Variants in CNTN5 observed in about 807,000 individuals in gnomAD.
CNTN5 encodes contactin-5.
CNTN5 carries 77 observed loss-of-function variants against 129.1 expected under a neutral mutation model. That is an observed-to-expected ratio of 0.60 (90% confidence interval 0.50 to 0.72). The LOEUF is 0.72. Among genes scored for constraint, CNTN5 ranks in the 30% least tolerant of loss-of-function variants. CNTN5 has a pLI of 0.00. For missense variants in CNTN5, 1,478 were observed against 1,328.8 expected, an observed-to-expected ratio of 1.11 and a Z score of -1.75; for synonymous variants, 509 against 465.6, an observed-to-expected ratio of 1.09 and a Z score of -1.20.
chr11:99,467,189 C>G (rs367807067), intron 2 of CNTN5, among the ~76,000 whole-genome samples: 1 of 151,996 alleles, frequency 6.6e-6, no homozygotes, highest in Non-Finnish European at 1.5e-5. Flanking sequence ...TGATATAAAA[C>G]AAAACTTTAA....
intron 2 of CNTN5, among the ~76,000 whole-genome samples, chr11:99,368,950 GT>G (rs1939641255): frequency 6.6e-6 from 1 of 151,874 alleles, no homozygotes; most frequent in Admixed American, 6.6e-5. Flanking sequence ...AAGGGAATGT[GT>G]TCAGCATGTT....
intron 2 of CNTN5, among the ~76,000 whole-genome samples, chr11:99,532,040 G>A (rs374831051): frequency 2.0e-5 from 3 of 152,112 alleles, no homozygotes; most frequent in Admixed American, 1.3e-4. Context: ...CAGATCCACC[G>A]ACAGCTTGCC....
intron 1 of CNTN5, among the ~76,000 whole-genome samples, chr11:99,270,532 A>C (rs1041118344): frequency 1.3e-5 from 2 of 151,902 alleles, no homozygotes; most frequent in African/African-American, 4.8e-5. Context: ...CTTTGAATAT[A>C]TTATGAATGA....
rs549115457 is a variant in CNTN5, at chr11:99,206,604, A to C, written c.-209-118742A>C. Reference sequence around the variant, plus strand: ...TGTGACTTTTTCCGGGTTTTGACAAAAGTTCTTACCCACTTACTACTACCT... The same window carrying C: ...TGTGACTTTTTCCGGGTTTTGACAACAGTTCTTACCCACTTACTACTACCT... On this transcript the variant is annotated intron_variant, in intron 1 of 24. Transcript: ENST00000524871. Among the ~76,000 whole-genome samples the C allele has an allele frequency of 2.5e-4, 38 of 149,308 alleles. 1 individual carries two copies. The highest frequency in any genetic ancestry group is 2.3e-3 in the Admixed American group (34 of 15,028).
chr11:99,661,843 C>G (rs1386955471), intron 3 of CNTN5, among the ~76,000 whole-genome samples: 2 of 152,046 alleles, frequency 1.3e-5, no homozygotes, highest in East Asian at 1.9e-4. Flanking sequence ...TACAGGTACT[C>G]CACGATACAA....
chr11:99,602,227 G>A (rs1274708231), intron 3 of CNTN5, among the ~76,000 whole-genome samples: 1 of 151,406 alleles, frequency 6.6e-6, no homozygotes, highest in Non-Finnish European at 1.5e-5. Context: ...TATTTGTGGG[G>A]GATATAATTT....
chr11:100,199,681 T>G (rs1237604635), intron 15 of CNTN5, among the ~76,000 whole-genome samples: 1 of 151,876 alleles, frequency 6.6e-6, no homozygotes, highest in African/African-American at 2.4e-5. Context: ...GTAGAAATCA[T>G]TCCGAAAGCA....
intron 2 of CNTN5, among the ~76,000 whole-genome samples, chr11:99,413,646 C>T (rs998408871): frequency 1.3e-5 from 2 of 151,632 alleles, no homozygotes; most frequent in Non-Finnish European, 2.9e-5. Flanking sequence ...AAAACAAAAA[C>T]AAAAAAACAA....
intron 13 of CNTN5, among the ~76,000 whole-genome samples, chr11:100,177,459 C>A (rs905668627): frequency 6.6e-6 from 1 of 152,116 alleles, no homozygotes; most frequent in Non-Finnish European, 1.5e-5. Context: ...CAGAAGCCAT[C>A]TACAGTACCT....
chr11:99,176,691 C>T (rs1430984120), intron 1 of CNTN5, among the ~76,000 whole-genome samples: 2 of 152,168 alleles, frequency 1.3e-5, no homozygotes, highest in South Asian at 2.1e-4. Context: ...AGATTCTAAT[C>T]ATTTCCCACC....
At chr11:99,963,341 T>G (rs1005470767) in intron 8 of CNTN5, among the ~76,000 whole-genome samples, 1 of 152,160 alleles carries the variant, frequency 6.6e-6, no homozygotes, top group Non-Finnish European at 1.5e-5. Flanking sequence ...TTGTATAAGG[T>G]GTAAGGAGGG....
At chr11:99,966,665 A>C (rs1410747206) in intron 8 of CNTN5, among the ~76,000 whole-genome samples, 1 of 152,224 alleles carries the variant, frequency 6.6e-6, no homozygotes, top group Non-Finnish European at 1.5e-5. Context: ...CATCTGGTCA[A>C]GATATGTTGA....
intron 6 of CNTN5, among the ~76,000 whole-genome samples, chr11:99,870,307 T>C (rs1016630102): frequency 6.6e-6 from 1 of 151,982 alleles, no homozygotes; most frequent in African/African-American, 2.4e-5. Context: ...AAAACAATGG[T>C]TTCCAAACAG....
intron 1 of CNTN5, among the ~76,000 whole-genome samples, chr11:99,216,115 C>T (rs1860101437): frequency 6.6e-6 from 1 of 152,114 alleles, no homozygotes; most frequent in South Asian, 2.1e-4. Flanking sequence ...AGATATTCTT[C>T]ATTCTACCTA....
chr11:99,639,975 G>A lies in CNTN5; in HGVS notation c.55+83706G>A, dbSNP rs113285104. Among the ~76,000 whole-genome samples the A allele has an allele frequency of 5.4e-3, 826 of 152,180 alleles. 5 individuals are homozygous for A. The highest frequency in any genetic ancestry group is 0.018 in the African/African-American group (734 of 41,528). On this transcript the variant is annotated intron_variant, in intron 3 of 24. Coordinates refer to ENST00000524871, the MANE Select transcript of CNTN5 (RefSeq NM_014361.4). ...ATCTCTAGGGCAGGGACAAAATGCC[G>A]CCAGTCTCTTTGCTAAAATGTTACC...
At chr11:99,715,675 A>G (rs1452966196) in intron 3 of CNTN5, among the ~76,000 whole-genome samples, 1 of 152,060 alleles carries the variant, frequency 6.6e-6, no homozygotes, top group Non-Finnish European at 1.5e-5. Flanking sequence ...AACATGGTAT[A>G]TCATCATCTC....
intron 6 of CNTN5, among the ~76,000 whole-genome samples, chr11:99,913,648 G>A (rs961940): frequency 6.6e-6 from 1 of 151,918 alleles, no homozygotes. Context: ...ACACAATTTA[G>A]GTCATAGTTA....
chr11:99,638,398 A>C (rs1951642896), intron 3 of CNTN5, among the ~76,000 whole-genome samples: 2 of 152,070 alleles, frequency 1.3e-5, no homozygotes, highest in South Asian at 2.1e-4. Flanking sequence ...GACCCCTCCA[A>C]ACCTCATGTC....
chr11:99,900,589 TC>T (rs1402730976), intron 6 of CNTN5, among the ~76,000 whole-genome samples: 1 of 152,024 alleles, frequency 6.6e-6, no homozygotes, highest in Non-Finnish European at 1.5e-5. Context: ...TTTAACATGA[TC>T]TTTTTTGTTT....
Sources: allele counts gnomAD v4.1 joint callset (sites outside exome capture counted in the v4.1 genomes callset), GRCh38; gene constraint gnomAD v4.1.1; transcripts MANE v1.5; gene names NCBI Gene and HGNC (gene_info 2026-07-23, HGNC 2026-07-21).